Variants in COL23A1 observed in about 807,000 individuals in gnomAD.
The protein encoded by COL23A1 is collagen alpha-1(XXIII) chain.
Under a neutral mutation model 99.3 loss-of-function variants are expected in COL23A1, and 97 were observed. The observed-to-expected ratio is 0.98, with a 90% CI of 0.83 to 1.16. The LOEUF (loss-of-function observed/expected upper bound fraction) is 1.16, where lower values mean the gene tolerates loss of function less well. COL23A1 is among the 50% of genes most tolerant of loss of function. The probability of loss-of-function intolerance (pLI) is 0.00; values close to 1 mark genes in which losing one functional copy is unlikely to be tolerated. For missense variants in COL23A1, 762 were observed against 757.4 expected, an observed-to-expected ratio of 1.01 and a Z score of -0.07; for synonymous variants, 320 against 308.2, an observed-to-expected ratio of 1.04 and a Z score of -0.40.
intron 1 of COL23A1, among the ~76,000 whole-genome samples, chr5:178,564,476 T>C (rs1762751851): frequency 6.6e-6 from 1 of 152,050 alleles, no homozygotes; most frequent in South Asian, 2.1e-4. Flanking sequence ...CTTAAAAGCC[T>C]CAGCATTTTA....
chr5:178,312,757 G>A (rs988830566), intron 2 of COL23A1, among the ~76,000 whole-genome samples: 1 of 152,080 alleles, frequency 6.6e-6, no homozygotes, highest in Non-Finnish European at 1.5e-5. Flanking sequence ...TGGTTGCTCC[G>A]CCCTCAGCCC....
At chr5:178,329,671 T>C (rs965810228) in intron 2 of COL23A1, among the ~76,000 whole-genome samples, 1 of 152,162 alleles carries the variant, frequency 6.6e-6, no homozygotes, top group African/African-American at 2.4e-5. Flanking sequence ...CTGGGCCCAG[T>C]GGCTCACGCC....
chr5:178,311,091 C>T (rs974657295), intron 2 of COL23A1, among the ~76,000 whole-genome samples: 9 of 151,932 alleles, frequency 5.9e-5, no homozygotes, highest in Admixed American at 1.3e-4. Context: ...GCATGGGACC[C>T]ACACGGCTCT....
At chr5:178,512,088 T>C (rs138385710) in intron 2 of COL23A1, among the ~76,000 whole-genome samples, 53 of 152,318 alleles carry the variant, frequency 3.5e-4, no homozygotes, top group African/African-American at 1.3e-3. Flanking sequence ...GGAAATGGGA[T>C]ATATGAACAA....
At chr5:178,523,453 A>T (rs1760133136) in intron 2 of COL23A1, 1 of 150,572 alleles carries the variant, frequency 6.6e-6, no homozygotes, top group African/African-American at 2.4e-5. Context: ...AAAAAAAGAA[A>T]AAGAAAGAGA....
rs567308142 is a variant in COL23A1, at chr5:178,383,463, C to T, written c.362-76544G>A. ...AGTCATGGCCCAGCCGGCCCCTTCC[C>T]GGCTCCCAGGGAAGTTAGCTCTAAG... On this transcript the variant is annotated intron_variant, in intron 2 of 28. Coordinates refer to ENST00000390654, the MANE Select transcript of COL23A1 (RefSeq NM_173465.4). Among the ~76,000 whole-genome samples, 10 of 152,350 alleles carry T rather than the reference C, an allele frequency of 6.6e-5. No homozygotes were observed. The South Asian group carries it at 1.4e-3, about 22-fold the overall frequency.
chr5:178,368,516 T>C (rs182483912), intron 2 of COL23A1, among the ~76,000 whole-genome samples: 2 of 152,304 alleles, frequency 1.3e-5, no homozygotes, highest in East Asian at 3.9e-4. Flanking sequence ...TGGACGACTG[T>C]GTAATGACAC....
chr5:178,255,156 G>A lies in COL23A1; in HGVS notation c.883-130C>T. On this transcript the variant is annotated intron_variant, in intron 15 of 28. Transcript: ENST00000390654. This position sits in a 1 kb window ranked among gnomAD's most constrained non-coding sequence, Gnocchi z 4.2. ...GCCTCGTCACCCAGGCTGCACGCAT[G>A]CCCCTCCCCAGGGTGGATGGAGGGA... The A allele has an allele frequency of 1.3e-6, 1 of 742,872 alleles. No homozygotes were observed. The highest frequency in any genetic ancestry group is 1.6e-5 in the South Asian group (1 of 63,360). The allele number at this position is 742,872 out of a possible 1,614,324, so 46.0% of individuals were successfully genotyped here.
At chr5:178,244,058 C>A (rs1764545810) in intron 25 of COL23A1, among the ~76,000 whole-genome samples, 1 of 152,320 alleles carries the variant, frequency 6.6e-6, no homozygotes, top group African/African-American at 2.4e-5. Context: ...CAGCTCATTG[C>A]AAGCTCCGCC....
At chr5:178,374,493 G>C (rs1762965088) in intron 2 of COL23A1, among the ~76,000 whole-genome samples, 1 of 152,208 alleles carries the variant, frequency 6.6e-6, no homozygotes, top group Non-Finnish European at 1.5e-5. Context: ...TCATGGGCTT[G>C]GGAACCAGAC....
At chr5:178,549,977 A>C (rs974119796) in intron 2 of COL23A1, among the ~76,000 whole-genome samples, 5 of 152,196 alleles carry the variant, frequency 3.3e-5, no homozygotes, top group African/African-American at 1.2e-4. Flanking sequence ...ATGAAAATTA[A>C]AATTATTTTT....
At chr5:178,345,654 C>A (rs578183149) in intron 2 of COL23A1, among the ~76,000 whole-genome samples, 2 of 151,546 alleles carry the variant, frequency 1.3e-5, no homozygotes, top group South Asian at 4.2e-4. Flanking sequence ...GTAGCTGGGA[C>A]TACAGGTGCC....
At chr5:178,471,524 C>A (rs1271929600) in intron 2 of COL23A1, among the ~76,000 whole-genome samples, 1 of 25,714 alleles carries the variant, frequency 3.9e-5, no homozygotes, top group Non-Finnish European at 6.8e-5. Flanking sequence ...CGGGTGTGAG[C>A]CACTGTGCCT....
chr5:178,239,260 A>T (rs562202230), intron 27 of COL23A1, 81 bp from the exon 28 acceptor site: 2 of 1,502,330 alleles, frequency 1.3e-6, no homozygotes, highest in Non-Finnish European at 1.9e-6. Context: ...CCTGGTCTGT[A>T]GGGAGGTGCA....
At chr5:178,343,771 TC>T (rs1406543239) in intron 2 of COL23A1, among the ~76,000 whole-genome samples, 3 of 151,884 alleles carry the variant, frequency 2.0e-5, no homozygotes, top group Non-Finnish European at 4.4e-5. Context: ...CAAGCACTTC[TC>T]CTGCCTCAGC....
At chr5:178,580,745 G>A (rs1372602026) in intron 1 of COL23A1, among the ~76,000 whole-genome samples, 1 of 152,224 alleles carries the variant, frequency 6.6e-6, no homozygotes, top group Non-Finnish European at 1.5e-5. Context: ...CTGGCCGGGT[G>A]TGGTTGGCTC....
chr5:178,510,756 G>A (rs1436859021), intron 2 of COL23A1, among the ~76,000 whole-genome samples: 1 of 152,108 alleles, frequency 6.6e-6, no homozygotes, highest in Non-Finnish European at 1.5e-5. Flanking sequence ...GGACAAAGAT[G>A]CCTCCAGGAA....
In COL23A1 at chr5:178,280,826, GC is replaced by G. The variant is rs1165606317; in HGVS notation, c.441+7497del. ...GGTGTGGACAGGAGGTACCTGGGCT[GC>G]TGCCAGGAGGATGCAAAAAACTGCA... On this transcript the variant is annotated intron_variant, in intron 5 of 28. Coordinates refer to ENST00000390654, the MANE Select transcript of COL23A1 (RefSeq NM_173465.4). The surrounding 1 kb of genome is among the most constrained non-coding windows in gnomAD (Gnocchi z 4.9). Among the ~76,000 whole-genome samples, 2 of 152,216 alleles carry G rather than the reference GC, an allele frequency of 1.3e-5. No homozygotes were observed. The highest frequency in any genetic ancestry group is 3.9e-4 in the East Asian group (2 of 5,176).
At chr5:178,385,950 G>A (rs369602028) in intron 2 of COL23A1, among the ~76,000 whole-genome samples, 7 of 152,016 alleles carry the variant, frequency 4.6e-5, no homozygotes, top group East Asian at 1.9e-4. Flanking sequence ...GACATTTCTC[G>A]GGAAATGAAA....
Sources: gnomAD v4.1 joint callset for allele counts (sites outside exome capture counted in the v4.1 genomes callset) on GRCh38, gnomAD v4.1.1 for gene constraint, Gnocchi (gnomAD v3.1) non-coding constraint, MANE v1.5 for transcripts, NCBI Gene and HGNC (gene_info 2026-07-23, HGNC 2026-07-21) for gene names.